ERG: variants seen among roughly 807,000 people sequenced by gnomAD.
The protein encoded by ERG is ETS transcription factor ERG.
A neutral mutation model predicts 55.3 loss-of-function variants in ERG; 9 were observed. That is an observed-to-expected ratio of 0.16 (90% CI 0.10 to 0.28). The LOEUF is 0.28. ERG is among the 10% of genes least tolerant of loss of function. The pLI is 1.00. For missense variants in ERG, 434 were observed against 631.6 expected (o/e 0.69, Z 3.35); for synonymous variants, 223 against 237.3 (o/e 0.94, Z 0.55).
At chr21:38,406,768 T>C (rs970605611) in intron 3 of ERG, among the ~76,000 whole-genome samples, 1 of 152,168 alleles carries the variant, frequency 6.6e-6, no homozygotes, top group African/African-American at 2.4e-5. Flanking sequence ...CATAAACATA[T>C]TGTCTGAAAG....
intron 2 of ERG, among the ~76,000 whole-genome samples, chr21:38,443,913 C>T (rs962145154): frequency 6.6e-6 from 1 of 152,238 alleles, no homozygotes; most frequent in Non-Finnish European, 1.5e-5. Flanking sequence ...TCGAGTTCCA[C>T]TTAAAGGACC....
chr21:38,488,809 C>T (rs11909765), intron 1 of ERG, among the ~76,000 whole-genome samples: 2,521 of 152,326 alleles, frequency 0.017, 66 homozygotes, highest in African/African-American at 0.057. Flanking sequence ...ACAGAGGTGC[C>T]TACGGGGCAT....
intron 2 of ERG, among the ~76,000 whole-genome samples, chr21:38,567,964 G>A (rs1363408206): frequency 6.6e-6 from 1 of 152,208 alleles, no homozygotes; most frequent in African/African-American, 2.4e-5. Flanking sequence ...CAGAGTTTAA[G>A]TTTAGCGTCT....
Position 38,431,848 on chromosome 21 carries a change from G to A in ERG, c.237-8287C>T, listed in dbSNP as rs75532633. 3.2e-3 allele frequency among the ~76,000 whole-genome samples: 483 copies of A among 152,274 alleles called. 2 individuals carry two copies. The highest frequency in any genetic ancestry group is 0.011 in the African/African-American group (467 of 41,564). ...CTAAGACCATCCCGCACCGTGCCAGGCGTAGCTGGTGGCAGAGCAGGACGC... is the reference window on the plus strand; with the variant it reads ...CTAAGACCATCCCGCACCGTGCCAGACGTAGCTGGTGGCAGAGCAGGACGC... On this transcript the variant is annotated intron_variant, in intron 2 of 9. Coordinates refer to ENST00000288319, the MANE Select transcript of ERG (RefSeq NM_182918.4).
rs377170562 is a variant in ERG at position 38,512,111 on chromosome 21, A to T, written c.-41+63551T>A. Reference sequence around the variant, plus strand: ...ACATAAACCAACAGCTGGTACATATACAAGAGTGTGTCCTGCCCATCCTAA... The same window carrying T: ...ACATAAACCAACAGCTGGTACATATTCAAGAGTGTGTCCTGCCCATCCTAA... On this transcript the variant is annotated intron_variant, in intron 2 of 8. Coordinates refer to the ERG transcript ENST00000398897. Among the ~76,000 whole-genome samples the T allele has an allele frequency of 6.0e-4, 92 of 152,352 alleles. 4 individuals carry two copies. In the South Asian group the frequency reaches 0.019, roughly 31 times the overall value.
At chr21:38,474,820 T>C (rs2059172837) in intron 1 of ERG, among the ~76,000 whole-genome samples, 1 of 152,088 alleles carries the variant, frequency 6.6e-6, no homozygotes, top group Admixed American at 6.6e-5. Context: ...AGATTAATGA[T>C]AATTTATCTC....
At chr21:38,547,547 AAATCATT>A (rs2059795934) in intron 2 of ERG, among the ~76,000 whole-genome samples, 1 of 152,212 alleles carries the variant, frequency 6.6e-6, no homozygotes, top group Non-Finnish European at 1.5e-5. Context: ...AGTGACCTGC[AAATCATT>A]AAAGAGGGCG....
chr21:38,396,488 G>A (rs1482955593), intron 6 of ERG, among the ~76,000 whole-genome samples: 1 of 152,246 alleles, frequency 6.6e-6, no homozygotes, highest in Admixed American at 6.5e-5. Flanking sequence ...AATAATTTAA[G>A]ATTCCAAGAA....
intron 1 of ERG, chr21:38,575,850 T>C (rs1294428342): frequency 3.5e-6 from 3 of 847,866 alleles, no homozygotes; most frequent in East Asian, 2.6e-5. Flanking sequence ...AAAAGAATCA[T>C]AGCTTTACAT....
At chr21:38,494,119 G>A (rs1601133430) in intron 1 of ERG, among the ~76,000 whole-genome samples, 1 of 152,220 alleles carries the variant, frequency 6.6e-6, no homozygotes, top group African/African-American at 2.4e-5. Context: ...CAGGAAGGAA[G>A]CAAATGCAAG....
chr21:38,534,298 C>T (rs1463359763), intron 2 of ERG, among the ~76,000 whole-genome samples: 1 of 152,008 alleles, frequency 6.6e-6, no homozygotes, highest in Non-Finnish European at 1.5e-5. Flanking sequence ...CACAATTTTT[C>T]TTTTTAAGGT....
chr21:38,416,487 C>T (rs187797418), intron 3 of ERG, among the ~76,000 whole-genome samples: 1 of 152,316 alleles, frequency 6.6e-6, no homozygotes, highest in East Asian at 1.9e-4. Context: ...GCATCTTGGG[C>T]AAGCTTGTGG....
intron 2 of ERG, among the ~76,000 whole-genome samples, chr21:38,551,158 GT>G (rs60943753): frequency 2.7e-5 from 4 of 149,208 alleles, no homozygotes; most frequent in Admixed American, 6.7e-5. Context: ...AGTCTCTGAG[GT>G]TTTTTTTTTA....
At chr21:38,527,136 G>C (rs1196462279) in intron 2 of ERG, among the ~76,000 whole-genome samples, 1 of 152,168 alleles carries the variant, frequency 6.6e-6, no homozygotes, top group African/African-American at 2.4e-5. Context: ...AAAACAATCA[G>C]GCACTGCAAA....
intron 1 of ERG, among the ~76,000 whole-genome samples, chr21:38,448,551 C>T (rs1292230437): frequency 6.6e-6 from 1 of 152,142 alleles, no homozygotes; most frequent in Non-Finnish European, 1.5e-5. Flanking sequence ...TGAAGTACAG[C>T]TCAGGAAAAG....
chr21:38,367,915 C>T, the ERG span, among the ~76,000 whole-genome samples: 1 of 152,182 alleles, frequency 6.6e-6, no homozygotes, highest in Non-Finnish European at 1.5e-5. Flanking sequence ...CATTGCTGAA[C>T]ACTGCTCCAA....
intron 9 of ERG, among the ~76,000 whole-genome samples, chr21:38,384,764 C>T (rs1304227428): frequency 6.6e-6 from 1 of 151,580 alleles, no homozygotes; most frequent in Admixed American, 6.6e-5. Flanking sequence ...ATTTTGCTGG[C>T]GCTCAGAAAG....
intron 2 of ERG, among the ~76,000 whole-genome samples, chr21:38,441,589 A>C (rs2058841334): frequency 6.6e-6 from 1 of 152,208 alleles, no homozygotes; most frequent in Non-Finnish European, 1.5e-5. Flanking sequence ...GCACCCAGAC[A>C]CAATGCCAGG....
chr21:38,546,071 C>A (rs2059786098), intron 2 of ERG, among the ~76,000 whole-genome samples: 1 of 152,160 alleles, frequency 6.6e-6, no homozygotes, highest in African/African-American at 2.4e-5. Context: ...ACTCCCAAGA[C>A]CCAGTCAGCT....
Sources: allele counts gnomAD v4.1 joint callset (sites outside exome capture counted in the v4.1 genomes callset), GRCh38; gene constraint gnomAD v4.1.1; transcripts MANE v1.5; gene names NCBI Gene and HGNC (gene_info 2026-07-23, HGNC 2026-07-21).